Variants in PAK3 observed in about 807,000 individuals in gnomAD.
The protein encoded by PAK3 is serine/threonine-protein kinase PAK 3.
In PAK3, 4 loss-of-function variants were observed where a neutral mutation model predicts 41.0. The ratio of observed to expected loss-of-function variants is 0.10; its 90% CI spans 0.05 to 0.22. The LOEUF is 0.22. Ranked by LOEUF, PAK3 falls within the 10% of genes least tolerant of loss-of-function variation. The probability of loss-of-function intolerance (pLI) is 1.00; values close to 1 mark genes in which losing one functional copy is unlikely to be tolerated. For missense variants in PAK3, 205 were observed against 409.9 expected (o/e 0.50, Z 4.32); for synonymous variants, 146 against 139.6 (o/e 1.05, Z -0.32).
At chrX:110,972,717 T>C (rs759444974) in intron 1 of PAK3, among the ~76,000 whole-genome samples, 1 of 111,762 alleles carries the variant, frequency 8.9e-6, no homozygotes, top group Non-Finnish European at 1.9e-5. Context: ...ATGACTTTCA[T>C]GAGTTGACAG....
rs571187876 is a variant in PAK3, at chrX:110,987,678, AC to A, written c.-28+43051del. Among the ~76,000 whole-genome samples the A allele has an allele frequency of 7.1e-5, 8 of 112,053 alleles. No individual in the cohort carries two copies. The South Asian group carries it at 2.7e-3, about 37-fold the overall frequency. On this transcript the variant is annotated intron_variant, in intron 1 of 14. Coordinates refer to the PAK3 transcript ENST00000425146. ...GAAACAGTAAAAACCTGATATTAGT[AC>A]AAAATATTTTTATTGTCATTGTTTT... is the stretch of plus-strand genomic sequence containing the variant.
intron 17 of PAK3, 65 bp from the exon 18 acceptor site, chrX:111,220,293 T>C: frequency 4.4e-6 from 3 of 686,013 alleles, no homozygotes; most frequent in Non-Finnish European, 7.1e-6. Flanking sequence ...TGCTTGAAAA[T>C]GTAAAGTAAT....
At chrX:111,118,259 G>A (rs1035388203) in intron 4 of PAK3, among the ~76,000 whole-genome samples, 5 of 111,124 alleles carry the variant, frequency 4.5e-5, no homozygotes, top group African/African-American at 9.8e-5. Context: ...TGTAAATAAC[G>A]CATCTAAGAT....
At position 111,226,604 on chromosome X, in the gene PAK3, G is replaced by GA. The variant is rs1251500693; in HGVS notation, c.*6158dup. ...CATGCTATTAGCATTGAGAAATGTTGACAAATTAATTTGTTGGGAACCAAA... is the reference window on the plus strand; with the variant it reads ...CATGCTATTAGCATTGAGAAATGTTGAACAAATTAATTTGTTGGGAACCAAA... On this transcript the variant is annotated 3_prime_UTR_variant, in exon 18 of 18. Coordinates refer to ENST00000372007, the MANE Select transcript of PAK3 (RefSeq NM_002578.5). The GA allele has an allele frequency of 8.9e-6, 1 of 112,310 alleles. No individual in the cohort carries two copies. Among genetic ancestry groups the GA allele is most frequent in the Non-Finnish European group, 1.9e-5 (1 of 53,324 alleles). The allele number at this position is 112,310 out of a possible 1,213,427, so 9.3% of individuals were successfully genotyped here. A position where few individuals can be genotyped will look rare whatever the true frequency, so the allele number is the denominator to read the frequency against.
At chrX:111,144,131 G>A (rs1487681091) in intron 6 of PAK3, among the ~76,000 whole-genome samples, 1 of 111,508 alleles carries the variant, frequency 9.0e-6, no homozygotes, top group Non-Finnish European at 1.9e-5. Flanking sequence ...CTGTCAATTA[G>A]AACCCAAAGA....
chrX:110,996,641 T>G (rs1446567960), intron 1 of PAK3, among the ~76,000 whole-genome samples: 4 of 111,187 alleles, frequency 3.6e-5, no homozygotes, highest in Non-Finnish European at 7.5e-5. Context: ...TCTCTCTCTC[T>G]CTCTCTATCT....
intron 16 of PAK3, among the ~76,000 whole-genome samples, chrX:111,205,949 C>T (rs901498740): frequency 4.5e-5 from 5 of 110,952 alleles, no homozygotes; most frequent in Non-Finnish European, 1.9e-5. Context: ...TAAATATTAC[C>T]TTAGGACTAG....
At chrX:110,990,720 G>A (rs1156757132) in intron 1 of PAK3, among the ~76,000 whole-genome samples, 3 of 111,024 alleles carry the variant, frequency 2.7e-5, no homozygotes, top group African/African-American at 9.8e-5. Context: ...ACGTATGCTG[G>A]AGGTCTAATC....
chrX:110,970,648 T>C (rs1454463254), intron 1 of PAK3, among the ~76,000 whole-genome samples: 1 of 111,312 alleles, frequency 9.0e-6, no homozygotes, highest in Non-Finnish European at 1.9e-5. Context: ...CTAATGCATG[T>C]GGGGCTTAAA....
rs192643026 is a variant in PAK3 at position 110,959,827 on chromosome X, A to G, written c.-28+15199A>G. ...TTTAGGCCTTTTAAGTTCATCCTGA[A>G]AAAGAAGCGAAAAAAGCCAACAGAT... On this transcript the variant is annotated intron_variant, in intron 1 of 14. Coordinates refer to the PAK3 transcript ENST00000425146. 4.5e-3 allele frequency among the ~76,000 whole-genome samples: 502 copies of G among 112,148 alleles called. 3 individuals are homozygous for G. The highest frequency in any genetic ancestry group is 0.015 in the African/African-American group (448 of 30,876).
intron 5 of PAK3, among the ~76,000 whole-genome samples, chrX:111,140,027 C>T (rs2093849086): frequency 9.0e-6 from 1 of 111,654 alleles, no homozygotes; most frequent in Admixed American, 9.5e-5. Context: ...CAGAGTTACT[C>T]ACTTGCCTGG....
At chrX:111,018,933 C>T (rs954856685) in intron 1 of PAK3, among the ~76,000 whole-genome samples, 1 of 111,365 alleles carries the variant, frequency 9.0e-6, no homozygotes, top group African/African-American at 3.3e-5. Flanking sequence ...GAAATAAACC[C>T]TCATTAGATG....
At chrX:111,023,291 T>C (rs1324983145) in intron 1 of PAK3, among the ~76,000 whole-genome samples, 3 of 112,329 alleles carry the variant, frequency 2.7e-5, no homozygotes, top group African/African-American at 9.7e-5. Context: ...CAGTCTCTCA[T>C]TGATGGGCAT....
chrX:110,959,764 G>A (rs1374302834), intron 1 of PAK3, among the ~76,000 whole-genome samples: 3 of 111,345 alleles, frequency 2.7e-5, no homozygotes, highest in Non-Finnish European at 5.7e-5. Context: ...CAGAGCTGAG[G>A]GGTGATAGCC....
intron 5 of PAK3, among the ~76,000 whole-genome samples, chrX:111,140,862 C>T (rs2093861087): frequency 9.0e-6 from 1 of 111,587 alleles, no homozygotes; most frequent in Non-Finnish European, 1.9e-5. Flanking sequence ...ATAAGAATAG[C>T]CTTTGAACAT....
chrX:111,160,308 C>A (rs1321063029), intron 8 of PAK3, among the ~76,000 whole-genome samples: 1 of 110,439 alleles, frequency 9.1e-6, no homozygotes, highest in African/African-American at 3.3e-5. Context: ...CCAATATATT[C>A]AAATTTTCAG....
chrX:111,086,202 G>C lies in PAK3; in HGVS notation c.-27-36875G>C, dbSNP rs188974276. 8.6e-3 allele frequency among the ~76,000 whole-genome samples: 952 copies of C among 111,029 alleles called. 5 individuals are homozygous for C. Among genetic ancestry groups the C allele is most frequent in the South Asian group, 0.074 (188 of 2,555 alleles). On this transcript the variant is annotated intron_variant, in intron 1 of 14. Coordinates refer to the PAK3 transcript ENST00000425146. ...TTGAGGCGCTGTTTGTGGGATTCTA[G>C]ATAGTTTAGATTTTACCACAAATCT...
intron 11 of PAK3, among the ~76,000 whole-genome samples, chrX:111,186,424 G>A (rs1344826757): frequency 3.6e-5 from 4 of 111,671 alleles, no homozygotes; most frequent in Non-Finnish European, 7.5e-5. Flanking sequence ...TCCTTAAGCT[G>A]ATAAGCAACT....
intron 5 of PAK3, among the ~76,000 whole-genome samples, chrX:111,133,901 A>G (rs1184469805): frequency 8.9e-6 from 1 of 112,176 alleles, no homozygotes; most frequent in East Asian, 2.8e-4. Context: ...TATGTAGGAA[A>G]GCATTTCCCT....
Sources: allele counts gnomAD v4.1 joint callset (sites outside exome capture counted in the v4.1 genomes callset), GRCh38; gene constraint gnomAD v4.1.1; transcripts MANE v1.5; gene names NCBI Gene and HGNC (gene_info 2026-07-23, HGNC 2026-07-21).